Variants in KCNIP4 observed in about 807,000 individuals in gnomAD.
KCNIP4 encodes the protein Kv channel-interacting protein 4.
Under a neutral mutation model 34.0 loss-of-function variants are expected in KCNIP4, and 12 were observed. The ratio of observed to expected loss-of-function variants is 0.35; its 90% CI spans 0.23 to 0.57. The LOEUF is 0.57. Among genes scored for constraint, KCNIP4 ranks in the 20% least tolerant of loss-of-function variants. The pLI is 0.83. For synonymous variants in KCNIP4, 124 were observed against 102.2 expected (o/e 1.21, Z -1.29); for missense variants, 238 against 311.7 (o/e 0.76, Z 1.78).
intron 1 of KCNIP4, among the ~76,000 whole-genome samples, chr4:21,197,326 A>G (rs1756129091): frequency 6.6e-6 from 1 of 152,248 alleles, no homozygotes; most frequent in African/African-American, 2.4e-5. Flanking sequence ...TTTAGTAGAC[A>G]TCAGTAGTGA....
At chr4:20,938,051 C>A (rs1731257151) in intron 1 of KCNIP4, among the ~76,000 whole-genome samples, 2 of 152,128 alleles carry the variant, frequency 1.3e-5, no homozygotes, top group Non-Finnish European at 2.9e-5. Context: ...AACAGCCAAG[C>A]AAACATGAAC....
At chr4:21,072,757 C>T (rs953086894) in intron 1 of KCNIP4, among the ~76,000 whole-genome samples, 48 of 152,060 alleles carry the variant, frequency 3.2e-4, no homozygotes, top group African/African-American at 1.1e-3. Flanking sequence ...TAGGTTTTCT[C>T]CTAGGGTTTT....
intron 1 of KCNIP4, among the ~76,000 whole-genome samples, chr4:21,669,070 C>T (rs1334085949): frequency 6.6e-6 from 1 of 152,188 alleles, no homozygotes; most frequent in African/African-American, 2.4e-5. Flanking sequence ...TGATAATCCA[C>T]TTTCACTTAA....
At chr4:21,583,023 T>C (rs1044791886) in intron 1 of KCNIP4, among the ~76,000 whole-genome samples, 3 of 151,940 alleles carry the variant, frequency 2.0e-5, no homozygotes, top group African/African-American at 7.2e-5. Context: ...ACAACTGCCC[T>C]AATTCTAAGT....
chr4:21,651,042 C>T (rs1007155450), intron 1 of KCNIP4, among the ~76,000 whole-genome samples: 5 of 152,268 alleles, frequency 3.3e-5, no homozygotes, highest in South Asian at 2.1e-4. Flanking sequence ...CCATAAAGAG[C>T]CTTGCCCTTT....
intron 1 of KCNIP4, among the ~76,000 whole-genome samples, chr4:21,487,340 G>A (rs28850130): frequency 0.28 from 41,965 of 151,868 alleles, 6,278 homozygotes; most frequent in Non-Finnish European, 0.34. Context: ...ATTAGAATAC[G>A]CTCGTATGTT....
intron 1 of KCNIP4, among the ~76,000 whole-genome samples, chr4:21,731,432 A>C (rs1715594254): frequency 6.6e-6 from 1 of 152,178 alleles, no homozygotes. Context: ...AAAGATCTAA[A>C]AGTAAAATAT....
intron 3 of KCNIP4, among the ~76,000 whole-genome samples, chr4:20,824,483 C>A (rs558304732): frequency 6.6e-5 from 10 of 152,134 alleles, no homozygotes; most frequent in African/African-American, 2.4e-4. Context: ...AAATCAAGAC[C>A]ATCCTGGCCA....
At chr4:21,881,518 AT>A (rs11323757) in intron 1 of KCNIP4, among the ~76,000 whole-genome samples, 144,436 of 152,164 alleles carry the variant, frequency 0.95, 69,025 homozygotes, top group East Asian at 1. Flanking sequence ...CTGTCCTTGA[AT>A]TTTTCAAGGG....
chr4:21,733,040 G>T (rs1040422155), intron 1 of KCNIP4, among the ~76,000 whole-genome samples: 11 of 152,060 alleles, frequency 7.2e-5, no homozygotes, highest in African/African-American at 2.7e-4. Flanking sequence ...TTCACAAACT[G>T]TACTCTCCCC....
At chr4:21,146,329 C>T (rs13118266) in intron 1 of KCNIP4, among the ~76,000 whole-genome samples, 52,982 of 151,562 alleles carry the variant, frequency 0.35, 9,370 homozygotes, top group African/African-American at 0.39. Flanking sequence ...ACCCGGGAGG[C>T]GGAGCTTGCA....
At chr4:21,558,572 C>T (rs1739265615) in intron 1 of KCNIP4, among the ~76,000 whole-genome samples, 2 of 151,358 alleles carry the variant, frequency 1.3e-5, no homozygotes, top group Non-Finnish European at 2.9e-5. Flanking sequence ...TTTAAATTTG[C>T]CAAAAGAAAT....
chr4:21,049,948 A>G (rs1048284416), intron 1 of KCNIP4, among the ~76,000 whole-genome samples: 6 of 152,190 alleles, frequency 3.9e-5, no homozygotes, highest in Non-Finnish European at 8.8e-5. Context: ...AGTGACTCTC[A>G]TGCATCTTGC....
At chr4:20,874,312 C>A (rs1488917769) in intron 2 of KCNIP4, among the ~76,000 whole-genome samples, 2 of 152,148 alleles carry the variant, frequency 1.3e-5, no homozygotes, top group African/African-American at 2.4e-5. Context: ...TCTAGTATCT[C>A]TCTAGTTTTG....
intron 1 of KCNIP4, among the ~76,000 whole-genome samples, chr4:21,460,100 C>T (rs1269279075): frequency 7.6e-6 from 1 of 130,926 alleles, no homozygotes; most frequent in Admixed American, 7.3e-5. Context: ...AAATCTGCCC[C>T]CCGCCCCCCA....
At chr4:21,222,063 A>C (rs898728712) in intron 1 of KCNIP4, among the ~76,000 whole-genome samples, 2 of 152,208 alleles carry the variant, frequency 1.3e-5, no homozygotes, top group African/African-American at 4.8e-5. Flanking sequence ...TTCTAAATAT[A>C]GACAGGATGG....
intron 1 of KCNIP4, among the ~76,000 whole-genome samples, chr4:20,996,738 G>T (rs7689543): frequency 1.3e-5 from 2 of 151,778 alleles, no homozygotes; most frequent in East Asian, 1.9e-4. Flanking sequence ...AATTTTCTCC[G>T]TAGCACTCAC....
chr4:21,145,887 G>A (rs1367868565), intron 1 of KCNIP4, among the ~76,000 whole-genome samples: 3 of 152,156 alleles, frequency 2.0e-5, no homozygotes, highest in Admixed American at 1.3e-4. Flanking sequence ...AGGGACAATA[G>A]ATAAACATCA....
chr4:20,845,342 A>G (rs976153466), intron 3 of KCNIP4, among the ~76,000 whole-genome samples: 1 of 152,076 alleles, frequency 6.6e-6, no homozygotes, highest in African/African-American at 2.4e-5. Flanking sequence ...GCTCTACCCT[A>G]ACTGATCAAT....
Sources: allele counts gnomAD v4.1 joint callset (sites outside exome capture counted in the v4.1 genomes callset), GRCh38; gene constraint gnomAD v4.1.1; transcripts MANE v1.5; gene names NCBI Gene and HGNC (gene_info 2026-07-23, HGNC 2026-07-21).